HSPG2: variants seen among roughly 807,000 people sequenced by gnomAD.
HSPG2 encodes basement membrane-specific heparan sulfate proteoglycan core protein.
HSPG2 carries 278 observed loss-of-function variants against 526.6 expected under a neutral mutation model. That is an observed-to-expected ratio of 0.53 (90% confidence interval 0.48 to 0.58). HSPG2 has a LOEUF of 0.58. Among genes scored for constraint, HSPG2 ranks in the 20% least tolerant of loss-of-function variants. The probability of loss-of-function intolerance (pLI) is 0.00; values close to 1 mark genes in which losing one functional copy is unlikely to be tolerated. For synonymous variants in HSPG2, 2,465 were observed against 2,555.4 expected, an observed-to-expected ratio of 0.96 and a Z score of 1.07; for missense variants, 5,354 against 6,099.5, an observed-to-expected ratio of 0.88 and a Z score of 4.07.
rs757275259 is a variant in HSPG2, at chr1:21,847,499, G to C, written c.8026-7C>G. The C allele has an allele frequency of 1.2e-6, 2 of 1,613,852 alleles. No homozygotes were observed. Among genetic ancestry groups the C allele is most frequent in the Non-Finnish European group, 1.7e-6 (2 of 1,180,016 alleles). On this transcript the variant is annotated splice_polypyrimidine_tract_variant and splice_region_variant and intron_variant, in intron 61 of 96. Coordinates refer to ENST00000374695, the MANE Select transcript of HSPG2 (RefSeq NM_005529.7). This position sits in a 1 kb window ranked among gnomAD's most constrained non-coding sequence, Gnocchi z 4.1. ...GCAGGTGGGAGCCATGGGTCTGGAC[G>C]TGCGGATGGGGAAGGAGAGGGAGAG...
At chr1:21,826,756 G>A (rs931268962) in intron 91 of HSPG2, among the ~76,000 whole-genome samples, 3 of 152,100 alleles carry the variant, frequency 2.0e-5, no homozygotes, top group Non-Finnish European at 4.4e-5. Context: ...TGATCTGCCC[G>A]CTTCAGCTTC....
intron 42 of HSPG2, 46 bp from the exon 43 acceptor site, chr1:21,857,431 C>T (rs1248934428): frequency 6.4e-7 from 1 of 1,552,498 alleles, no homozygotes; most frequent in African/African-American, 1.4e-5. Flanking sequence ...TGGCTAGGCC[C>T]CGGTCCTGTG....
In HSPG2 at chr1:21,937,256, GC is replaced by G; in HGVS notation, c.-40del. The G allele has an allele frequency of 1.2e-6, 1 of 822,158 alleles. No individual in the cohort carries two copies. The highest frequency in any genetic ancestry group is 1.5e-6 in the Non-Finnish European group (1 of 688,162). 50.9% of individuals were successfully genotyped at this position (822,158 alleles called of 1,614,324 possible). A position where few individuals can be genotyped will look rare whatever the true frequency, so the allele number is the denominator to read the frequency against. ...CCGCTCTCTCGCTCGCTCGCTCCGC[GC>G]CGCCCGCTCCGCGCCGCCCGCAGCC... On this transcript the variant is annotated 5_prime_UTR_variant, in exon 1 of 97. Coordinates refer to ENST00000374695, the MANE Select transcript of HSPG2 (RefSeq NM_005529.7).
chr1:21,902,714 C>T (rs1286675933), intron 1 of HSPG2, among the ~76,000 whole-genome samples: 1 of 152,188 alleles, frequency 6.6e-6, no homozygotes, highest in East Asian at 1.9e-4. Context: ...AAGCTGCATT[C>T]CATCCAGGGC....
In HSPG2 at chr1:21,824,138, G is replaced by T; in HGVS notation, c.12882C>A (p.His4294Gln). 5 of 1,613,414 alleles carry T rather than the reference G, an allele frequency of 3.1e-6. No individual in the cohort carries two copies. The highest frequency in any genetic ancestry group is 3.4e-6 in the Non-Finnish European group (4 of 1,179,996). The change falls in exon 95 of 97, where the codon CAC (histidine) becomes CAA (glutamine). Residue 4294 changes from histidine to glutamine, a missense_variant. His to Gln is a conservative substitution (Grantham distance 24, BLOSUM62 0). Transcript: ENST00000374695. This position sits in a 1 kb window ranked among gnomAD's most constrained non-coding sequence, Gnocchi z 5.9. ...SEDPINDGEW[H>Q]RVTALREGRR... ...TCCCTTACCGCAGTGCTGTCACCCG[G>T]TGCCACTCGCCGTCATTGATGGGGT...
At chr1:21,892,806 C>T (rs60797857) in intron 3 of HSPG2, among the ~76,000 whole-genome samples, 12,245 of 139,824 alleles carry the variant, frequency 0.088, 1,214 homozygotes, top group East Asian at 0.26. Flanking sequence ...TGCAGTGAGC[C>T]GAGATTGTGC....
chr1:21,937,145 G>T lies in HSPG2; in HGVS notation c.63+10C>A. On this transcript the variant is annotated intron_variant, in intron 1 of 96. Transcript: ENST00000374695. Reference sequence around the variant, plus strand: ...CCCCCGCCCCCCGCCCCTCTGCCCCGCACACTCACCGCCAGCAGCCGCCCG... The same window carrying T: ...CCCCCGCCCCCCGCCCCTCTGCCCCTCACACTCACCGCCAGCAGCCGCCCG... The T allele has an allele frequency of 5.5e-6, 2 of 365,998 alleles. No individual in the cohort carries two copies. The highest frequency in any genetic ancestry group is 6.9e-6 in the Non-Finnish European group (2 of 289,024). The allele number at this position is 365,998 out of a possible 1,614,324, so 22.7% of individuals were successfully genotyped here. A position where few individuals can be genotyped will look rare whatever the true frequency, so the allele number is the denominator to read the frequency against.
chr1:21,857,414 C>T, intron 42 of HSPG2, 29 bp from the exon 43 acceptor site: 1 of 1,600,238 alleles, frequency 6.2e-7, no homozygotes, highest in Non-Finnish European at 8.5e-7. Context: ...CCCCTGTGAG[C>T]CGGTGCTGGC....
At chr1:21,923,834 A>C (rs1644111579) in intron 1 of HSPG2, among the ~76,000 whole-genome samples, 1 of 152,120 alleles carries the variant, frequency 6.6e-6, no homozygotes, top group Non-Finnish European at 1.5e-5. Context: ...TACCGCTGTC[A>C]CTCCGAGAAT....
At position 21,842,913 on chromosome 1, in the gene HSPG2, GTCC is replaced by G; in HGVS notation, c.8764_8766del (p.Gly2922del). 6.2e-7 allele frequency: 1 copy of G among 1,614,156 alleles called. No individual in the cohort carries two copies. The highest frequency in any genetic ancestry group is 8.5e-7 in the Non-Finnish European group (1 of 1,180,028). On this transcript the variant is annotated inframe_deletion, in exon 67 of 97. Transcript: ENST00000374695. ...GCCTCGATGTAGATGGGCTGGGCCA[GTCC>G]TGGAGCTGTGGGCACAGGGGGTGGG...
intron 1 of HSPG2, among the ~76,000 whole-genome samples, chr1:21,934,694 A>G (rs1381658000): frequency 6.8e-6 from 1 of 147,050 alleles, no homozygotes; most frequent in African/African-American, 2.5e-5. Context: ...CTCCCGGGTT[A>G]ACGCCATTCT....
chr1:21,868,064 A>T (rs1488009203), intron 33 of HSPG2, among the ~76,000 whole-genome samples: 1 of 145,812 alleles, frequency 6.9e-6, no homozygotes. Flanking sequence ...TTTGAGATGG[A>T]GTCTTGCTCT....
At chr1:21,855,706 C>G in intron 45 of HSPG2, 31 bp from the exon 46 acceptor site, 2 of 1,589,970 alleles carry the variant, frequency 1.3e-6, no homozygotes, top group Non-Finnish European at 1.7e-6. Context: ...CAGCACCCAC[C>G]AAGCCTGCTC....
At chr1:21,917,500 C>A (rs1392346580) in intron 1 of HSPG2, among the ~76,000 whole-genome samples, 1 of 151,794 alleles carries the variant, frequency 6.6e-6, no homozygotes, top group African/African-American at 2.4e-5. Flanking sequence ...AAAGACAGGG[C>A]AGAATGGGGA....
At position 21,855,625 on chromosome 1, in the gene HSPG2, G is replaced by T; in HGVS notation, c.5752C>A (p.Leu1918Met). The change falls in exon 46 of 97, where the codon CTG becomes ATG. Residue 1918 changes from leucine to methionine, a missense_variant. Transcript: ENST00000374695. ...GTGGGCTCGACAGCTGGCAGGCGCA[G>T]GATGCCGCCGTGGATTTGTGCCTTC... ...PAKAQIHGGI[L>M]RLPAVEPTDQ... 1 of 1,576,822 alleles carries T rather than the reference G, an allele frequency of 6.3e-7. No homozygotes were observed.
In HSPG2 at chr1:21,896,207, T is replaced by C. The variant is rs1642735834; in HGVS notation, c.167A>G (p.Asp56Gly). The C allele has an allele frequency of 6.2e-7, 1 of 1,613,872 alleles. No individual in the cohort carries two copies. Among genetic ancestry groups the C allele is most frequent in the East Asian group, 2.2e-5 (1 of 44,848 alleles). Residue 56 changes from aspartate (D) to glycine (G), a missense_variant, in exon 2 of 97, where the codon GAT (aspartate) becomes GGT (glycine). Coordinates refer to ENST00000374695, the MANE Select transcript of HSPG2 (RefSeq NM_005529.7). ...MRWTHSYLSD[D>G]EDMLADSISG... is the part of the protein sequence containing the mutation. ...GATGCTGTCAGCCAGCATGTCCTCA[T>C]CATCAGAAAGGTACGAATGTGTCCA...
intron 13 of HSPG2, among the ~76,000 whole-genome samples, chr1:21,882,821 TAC>T (rs1557778779): frequency 1.3e-5 from 2 of 152,176 alleles, no homozygotes; most frequent in Non-Finnish European, 2.9e-5. Flanking sequence ...TTCTTCCTTA[TAC>T]AGAGTCCACA....
chr1:21,899,935 C>T (rs1372103059), intron 1 of HSPG2, among the ~76,000 whole-genome samples: 2 of 152,208 alleles, frequency 1.3e-5, no homozygotes, highest in Admixed American at 6.5e-5. Context: ...CAGTCCCTGT[C>T]CCCAACCTGA....
rs1299108281 is a variant in HSPG2 at position 21,916,991 on chromosome 1, CAT to C, written c.63+20162_63+20163del. 2.0e-5 allele frequency among the ~76,000 whole-genome samples: 3 copies of C among 152,320 alleles called. No homozygotes were observed. In the East Asian group the frequency reaches 5.8e-4, roughly 29 times the overall value. On this transcript the variant is annotated intron_variant, in intron 1 of 96. Coordinates refer to ENST00000374695, the MANE Select transcript of HSPG2 (RefSeq NM_005529.7). ...CTGGAAACGGCTAACGGAAATCGAA[CAT>C]GTGTGGTGATAAGGCTGCCTCGTTA... is the stretch of plus-strand genomic sequence containing the variant.
Sources: gnomAD v4.1 joint callset for allele counts (sites outside exome capture counted in the v4.1 genomes callset) on GRCh38, gnomAD v4.1.1 for gene constraint, Gnocchi (gnomAD v3.1) non-coding constraint, MANE v1.5 for transcripts, NCBI Gene and HGNC (gene_info 2026-07-23, HGNC 2026-07-21) for gene names.